Variants in WWTR1 observed in about 807,000 individuals in gnomAD.
WWTR1 encodes the protein WW domain-containing transcription regulator protein 1.
A neutral mutation model predicts 40.1 loss-of-function variants in WWTR1; 13 were observed. That is an observed-to-expected ratio of 0.32 (90% CI 0.21 to 0.52). The LOEUF (loss-of-function observed/expected upper bound fraction) is 0.52, where lower values mean the gene tolerates loss of function less well. Among genes scored for constraint, WWTR1 ranks in the 20% least tolerant of loss-of-function variants. The pLI is 0.97. For missense variants in WWTR1, 436 were observed against 523.1 expected (o/e 0.83, Z 1.63); for synonymous variants, 230 against 210.1 (o/e 1.09, Z -0.82).
In WWTR1 at chr3:149,519,370, AG is replaced by A. The variant is rs1191937456; in HGVS notation, c.*1434del. The A allele has an allele frequency of 6.6e-6, 1 of 152,178 alleles. No homozygotes were observed. Among genetic ancestry groups the A allele is most frequent in the East Asian group, 1.9e-4 (1 of 5,198 alleles). 9.4% of individuals were successfully genotyped at this position (152,178 alleles called of 1,614,324 possible). ...ATTTATCTCCACCATACACCCTCAAAGGGCATTTTTTTTTACATGTCAGTCA... is the reference window on the plus strand; with the variant it reads ...ATTTATCTCCACCATACACCCTCAAAGGCATTTTTTTTTACATGTCAGTCA... On this transcript the variant is annotated 3_prime_UTR_variant, in exon 7 of 7. Transcript: ENST00000360632.
At chr3:149,686,485 T>C (rs1018515622) in intron 1 of WWTR1, among the ~76,000 whole-genome samples, 8 of 152,028 alleles carry the variant, frequency 5.3e-5, no homozygotes, top group African/African-American at 1.7e-4. Flanking sequence ...TACCTATGAA[T>C]AGCCACTGCA....
At chr3:149,690,684 C>T (rs977548059) in intron 1 of WWTR1, among the ~76,000 whole-genome samples, 1 of 152,156 alleles carries the variant, frequency 6.6e-6, no homozygotes, top group African/African-American at 2.4e-5. Flanking sequence ...CTTTAGCACC[C>T]TGCTTTTAGC....
chr3:149,578,194 C>A (rs1049334696), intron 2 of WWTR1, among the ~76,000 whole-genome samples: 1 of 152,158 alleles, frequency 6.6e-6, no homozygotes, highest in African/African-American at 2.4e-5. Context: ...AGACCACACG[C>A]AGTTGTGGAG....
intron 5 of WWTR1, among the ~76,000 whole-genome samples, chr3:149,710,580 C>T (rs1181533843): frequency 3.6e-5 from 3 of 84,428 alleles, no homozygotes; most frequent in African/African-American, 9.3e-5. Context: ...TCCCCCCCCC[C>T]CCTTTTTTTT....
At chr3:149,724,347 T>C (rs1241126625) in intron 3 of WWTR1, 2 of 152,162 alleles carry the variant, frequency 1.3e-5, no homozygotes, top group African/African-American at 4.8e-5. Flanking sequence ...TCCTGACAAT[T>C]CGTGGCTTCA....
chr3:149,520,679 A>T lies in WWTR1; in HGVS notation c.*126T>A. 1 of 832,290 alleles carries T rather than the reference A, an allele frequency of 1.2e-6. No individual in the cohort carries two copies. Among genetic ancestry groups the T allele is most frequent in the Non-Finnish European group, 1.7e-6 (1 of 575,150 alleles). 51.6% of individuals were successfully genotyped at this position (832,290 alleles called of 1,614,324 possible). ...GCAATGATTAAACTGGCAACATAAA[A>T]AGGAGGGAGCACGAGTCATGGAGGC... On this transcript the variant is annotated 3_prime_UTR_variant, in exon 7 of 7. Coordinates refer to ENST00000360632, the MANE Select transcript of WWTR1 (RefSeq NM_015472.6).
Position 149,566,087 on chromosome 3 carries a change from G to T in WWTR1, c.568+6777C>A, listed in dbSNP as rs1737313163. Among the ~76,000 whole-genome samples, 2 of 152,120 alleles carry T rather than the reference G, an allele frequency of 1.3e-5. 1 individual carries two copies. Among genetic ancestry groups the T allele is most frequent in the South Asian group, 4.1e-4 (2 of 4,826 alleles). ...CTCACACCTGTAATCCCAGCATTTT[G>T]GGAGGCCAAGGTGGGAGGATCACTT... is the stretch of plus-strand genomic sequence containing the variant. On this transcript the variant is annotated intron_variant, in intron 3 of 6. Transcript: ENST00000360632.
chr3:149,549,000 T>C (rs1736496697), intron 3 of WWTR1, among the ~76,000 whole-genome samples: 1 of 152,200 alleles, frequency 6.6e-6, no homozygotes, highest in Non-Finnish European at 1.5e-5. Context: ...CTGTGGTTCA[T>C]TAGTTTACTA....
chr3:149,561,907 A>G (rs1386800490), intron 3 of WWTR1, among the ~76,000 whole-genome samples: 1 of 152,124 alleles, frequency 6.6e-6, no homozygotes, highest in Non-Finnish European at 1.5e-5. Context: ...AGGAGACCTA[A>G]TTTTTCATAA....
intron 2 of WWTR1, among the ~76,000 whole-genome samples, chr3:149,663,160 G>A (rs899018453): frequency 1.3e-4 from 20 of 151,998 alleles, no homozygotes; most frequent in African/African-American, 4.8e-4. Context: ...AGCCTCTCAA[G>A]TAGCTGGGAT....
rs527768746 is a variant in WWTR1 at position 149,584,532 on chromosome 3, A to G, written c.432-11532T>C. Among the ~76,000 whole-genome samples the G allele has an allele frequency of 2.0e-5, 3 of 152,332 alleles. No homozygotes were observed. The South Asian group carries it at 6.2e-4, about 32-fold the overall frequency. On this transcript the variant is annotated intron_variant, in intron 2 of 6. Coordinates refer to ENST00000360632, the MANE Select transcript of WWTR1 (RefSeq NM_015472.6). ...GAGTGAGGTTCCCATTTTGCAAGAA[A>G]TTATTTGGAGGATCAAAGACAAAAA...
chr3:149,613,439 G>A (rs556056471), intron 2 of WWTR1, among the ~76,000 whole-genome samples: 25 of 152,308 alleles, frequency 1.6e-4, no homozygotes, highest in African/African-American at 6.0e-4. Flanking sequence ...GTAAAAGCTT[G>A]CTGGTTCAGA....
At chr3:149,683,710 G>T (rs1714535763) in intron 1 of WWTR1, among the ~76,000 whole-genome samples, 1 of 152,066 alleles carries the variant, frequency 6.6e-6, no homozygotes, top group African/African-American at 2.4e-5. Flanking sequence ...AAAAGAAAAA[G>T]AAAAAGAACA....
At chr3:149,541,720 C>T (rs952730799) in intron 4 of WWTR1, among the ~76,000 whole-genome samples, 21 of 151,308 alleles carry the variant, frequency 1.4e-4, no homozygotes, top group Middle Eastern at 6.8e-3. Context: ...TCTTAGAATG[C>T]TTTTTCTTGA....
At chr3:149,597,618 C>CA (rs113076518) in intron 2 of WWTR1, among the ~76,000 whole-genome samples, 11,017 of 149,362 alleles carry the variant, frequency 0.074, 1,174 homozygotes, top group African/African-American at 0.24. Flanking sequence ...GATCCTGTCT[C>CA]AAAAAAAAAT....
intron 2 of WWTR1, among the ~76,000 whole-genome samples, chr3:149,598,744 G>C (rs1739113738): frequency 6.6e-6 from 1 of 151,978 alleles, no homozygotes; most frequent in Admixed American, 6.6e-5. Flanking sequence ...CTTACTGTTA[G>C]ATATTTATAT....
intron 1 of WWTR1, among the ~76,000 whole-genome samples, chr3:149,690,488 T>C (rs2108212673): frequency 6.6e-6 from 1 of 152,230 alleles, no homozygotes; most frequent in East Asian, 1.9e-4. Flanking sequence ...AAAATAGATT[T>C]CAAGTCAAAA....
chr3:149,657,527 G>T, intron 1 of WWTR1: 1 of 583,282 alleles, frequency 1.7e-6, no homozygotes, highest in East Asian at 3.0e-5. Context: ...CAACTTTCTT[G>T]AAGCAAAGAA....
At chr3:149,533,009 T>C (rs550266104) in intron 4 of WWTR1, among the ~76,000 whole-genome samples, 1 of 152,322 alleles carries the variant, frequency 6.6e-6, no homozygotes, top group East Asian at 1.9e-4. Flanking sequence ...TCAGCACCCC[T>C]TCCTTCCTCT....
Sources: gnomAD v4.1 joint callset for allele counts (sites outside exome capture counted in the v4.1 genomes callset) on GRCh38, gnomAD v4.1.1 for gene constraint, MANE v1.5 for transcripts, NCBI Gene and HGNC (gene_info 2026-07-23, HGNC 2026-07-21) for gene names.